NFASC: variants seen among roughly 807,000 people sequenced by gnomAD.
NFASC encodes the protein neurofascin homolog.
In NFASC, 43 loss-of-function variants were observed where a neutral mutation model predicts 147.5. That is an observed-to-expected ratio of 0.29 (90% CI 0.23 to 0.38). The LOEUF is 0.38. NFASC is among the 10% of genes least tolerant of loss of function. The pLI, the probability that NFASC is intolerant of heterozygous loss-of-function variation, is 1.00. For synonymous variants in NFASC, 622 were observed against 665.5 expected (o/e 0.93, Z 1.01); for missense variants, 1,320 against 1,689.0 (o/e 0.78, Z 3.83).
chr1:204,972,087 C>T (rs1439165077), intron 11 of NFASC, among the ~76,000 whole-genome samples: 3 of 152,166 alleles, frequency 2.0e-5, no homozygotes, highest in Non-Finnish European at 2.9e-5. Flanking sequence ...AGTGGGGACC[C>T]GGGCGTGGAT....
intron 28 of NFASC, among the ~76,000 whole-genome samples, chr1:205,011,214 C>CCG (rs1553328295): frequency 1.1e-3 from 164 of 151,608 alleles, no homozygotes; most frequent in African/African-American, 3.8e-3. Context: ...AGGACCCCCC[C>CCG]CAAAACTCAA....
intron 1 of NFASC, among the ~76,000 whole-genome samples, chr1:204,873,596 ATCCCGGGGAAGGCT>A (rs2078151392): frequency 6.6e-6 from 1 of 152,194 alleles, no homozygotes; most frequent in Admixed American, 6.5e-5. Context: ...AGCTGGACAG[ATCCCGGGGAAGGCT>A]TCGTTCTTTA....
chr1:204,939,406 G>A (rs760871237), intron 2 of NFASC, among the ~76,000 whole-genome samples: 8 of 152,142 alleles, frequency 5.3e-5, no homozygotes, highest in Non-Finnish European at 1.0e-4. Flanking sequence ...CTGCCTTTCT[G>A]AAACATCCTC....
At chr1:204,854,379 T>G (rs1387380690) in intron 1 of NFASC, among the ~76,000 whole-genome samples, 1 of 152,066 alleles carries the variant, frequency 6.6e-6, no homozygotes, top group Non-Finnish European at 1.5e-5. Context: ...TTGCGTTGCC[T>G]TCCCCCACCC....
chr1:204,994,667 T>C (rs1437593190), intron 24 of NFASC, among the ~76,000 whole-genome samples: 1 of 152,164 alleles, frequency 6.6e-6, no homozygotes, highest in African/African-American at 2.4e-5. Flanking sequence ...TTTTGTTTTG[T>C]TTACTTGAGG....
chr1:204,937,915 A>G (rs2802817), intron 2 of NFASC, among the ~76,000 whole-genome samples: 26,043 of 152,226 alleles, frequency 0.17, 3,028 homozygotes, highest in African/African-American at 0.33. Flanking sequence ...AATCCCTGCC[A>G]TCCAGTCGGC....
chr1:204,948,156 G>A (rs1426385187), intron 3 of NFASC, among the ~76,000 whole-genome samples: 2 of 152,242 alleles, frequency 1.3e-5, no homozygotes, highest in Non-Finnish European at 2.9e-5. Context: ...GACCGAGCAG[G>A]CATCTGCCTA....
At chr1:204,829,699 A>T (rs1671664649) in intron 1 of NFASC, among the ~76,000 whole-genome samples, 1 of 152,004 alleles carries the variant, frequency 6.6e-6, no homozygotes, top group Non-Finnish European at 1.5e-5. Flanking sequence ...GGAAACTAGG[A>T]TGGGGAAGGG....
In NFASC at chr1:205,017,924, C is replaced by T; in HGVS notation, c.*1385C>T. 6.5e-6 allele frequency: 1 copy of T among 152,962 alleles called. No homozygotes were observed. Among genetic ancestry groups the T allele is most frequent in the Non-Finnish European group, 1.5e-5 (1 of 68,292 alleles). 9.5% of individuals were successfully genotyped at this position (152,962 alleles called of 1,614,324 possible). ...AGTTCCCAGGTTCCCAGCTCCCCCCCTGCAAGCCTTGAAGCCTCCAGCAAC... is the reference window on the plus strand; with the variant it reads ...AGTTCCCAGGTTCCCAGCTCCCCCCTTGCAAGCCTTGAAGCCTCCAGCAAC... On this transcript the variant is annotated 3_prime_UTR_variant, in exon 30 of 30. Transcript: ENST00000339876.
At chr1:204,877,001 T>C (rs1333729645) in intron 1 of NFASC, among the ~76,000 whole-genome samples, 1 of 76,304 alleles carries the variant, frequency 1.3e-5, no homozygotes. Flanking sequence ...AATATGTATA[T>C]ATATATATAT....
intron 1 of NFASC, among the ~76,000 whole-genome samples, chr1:204,853,950 C>T (rs150411583): frequency 7.2e-5 from 11 of 152,290 alleles, no homozygotes; most frequent in South Asian, 2.1e-4. Flanking sequence ...GGGGCTTCTG[C>T]TTGGCTTCTT....
At chr1:204,965,812 G>A (rs2094918216) in intron 8 of NFASC, among the ~76,000 whole-genome samples, 1 of 152,234 alleles carries the variant, frequency 6.6e-6, no homozygotes, top group Admixed American at 6.5e-5. Context: ...TTTAGACAGA[G>A]AGGCAATGTA....
At chr1:205,009,050 G>T in intron 27 of NFASC, 1 of 209,026 alleles carries the variant, frequency 4.8e-6, no homozygotes, top group Non-Finnish European at 9.8e-6. Flanking sequence ...TGGTGGGCAG[G>T]GATGCTGCCG....
chr1:204,991,905 C>T (rs1287522730), intron 24 of NFASC, among the ~76,000 whole-genome samples: 11 of 152,190 alleles, frequency 7.2e-5, no homozygotes, highest in South Asian at 2.1e-4. Context: ...CAGCAGGCAC[C>T]GTGGGCTGAT....
intron 1 of NFASC, chr1:204,871,002 C>A (rs182259273): frequency 1.1e-5 from 14 of 1,289,376 alleles, no homozygotes; most frequent in South Asian, 2.5e-5. Flanking sequence ...CTTCCCTCCC[C>A]ACCTGTCCCC....
chr1:205,003,992 TG>T (rs1270135373), intron 27 of NFASC, among the ~76,000 whole-genome samples: 1 of 152,180 alleles, frequency 6.6e-6, no homozygotes, highest in Non-Finnish European at 1.5e-5. Context: ...GATGTCTGAG[TG>T]GCCAGCCTGT....
chr1:204,938,665 G>A (rs1231574744), intron 2 of NFASC, among the ~76,000 whole-genome samples: 1 of 152,172 alleles, frequency 6.6e-6, no homozygotes, highest in Non-Finnish European at 1.5e-5. Flanking sequence ...CAGATCATTA[G>A]CAAACTCACA....
At chr1:204,831,440 G>T (rs761878827) in intron 1 of NFASC, among the ~76,000 whole-genome samples, 3 of 150,832 alleles carry the variant, frequency 2.0e-5, no homozygotes, top group Non-Finnish European at 2.9e-5. Flanking sequence ...CATTTCTGGG[G>T]TGGGTGGGCC....
intron 1 of NFASC, among the ~76,000 whole-genome samples, chr1:204,908,076 G>A (rs1349633728): frequency 6.6e-6 from 1 of 152,024 alleles, no homozygotes; most frequent in African/African-American, 2.4e-5. Flanking sequence ...CAACCACCTG[G>A]GCTCAAGTGA....
Sources: gnomAD v4.1 joint callset for allele counts (sites outside exome capture counted in the v4.1 genomes callset) on GRCh38, gnomAD v4.1.1 for gene constraint, MANE v1.5 for transcripts, NCBI Gene and HGNC (gene_info 2026-07-23, HGNC 2026-07-21) for gene names.